The following NCAM1 variants were observed in gnomAD, a reference collection of about 807,000 sequenced individuals.
NCAM1 encodes the protein antigen recognized by monoclonal antibody 5.1H11.
NCAM1 carries 14 observed loss-of-function variants against 109.8 expected under a neutral mutation model. The observed-to-expected ratio is 0.13, with a 90% confidence interval of 0.08 to 0.20. NCAM1 has a LOEUF of 0.20. Among genes scored for constraint, NCAM1 ranks in the 10% least tolerant of loss-of-function variants. NCAM1 has a pLI of 1.00. For synonymous variants in NCAM1, 418 were observed against 442.9 expected (o/e 0.94, Z 0.70); for missense variants, 774 against 1,109.9 (o/e 0.70, Z 4.30).
chr11:113,260,826 A>C (rs558744101), intron 17 of NCAM1, among the ~76,000 whole-genome samples: 1 of 152,108 alleles, frequency 6.6e-6, no homozygotes, highest in Non-Finnish European at 1.5e-5. Context: ...AACCCTATCT[A>C]CCAAAGGCCT....
At chr11:113,245,744 CCTT>C (rs1385066083) in intron 14 of NCAM1, among the ~76,000 whole-genome samples, 1 of 152,226 alleles carries the variant, frequency 6.6e-6, no homozygotes, top group African/African-American at 2.4e-5. Flanking sequence ...CTCCCCTCCT[CCTT>C]ATGCCATAGG....
intron 1 of NCAM1, among the ~76,000 whole-genome samples, chr11:113,136,037 ACTG>A (rs1484944269): frequency 6.6e-6 from 1 of 152,138 alleles, no homozygotes; most frequent in African/African-American, 2.4e-5. Flanking sequence ...AAAAAGTAAT[ACTG>A]GGCGTGGTGA....
At chr11:113,169,487 A>G (rs1237588161) in intron 1 of NCAM1, among the ~76,000 whole-genome samples, 2 of 152,154 alleles carry the variant, frequency 1.3e-5, no homozygotes, top group Non-Finnish European at 2.9e-5. Flanking sequence ...GATAATACAT[A>G]TTATCACTTG....
At chr11:113,089,073 AG>A (rs1368418111) in intron 1 of NCAM1, among the ~76,000 whole-genome samples, 1 of 152,136 alleles carries the variant, frequency 6.6e-6, no homozygotes, top group African/African-American at 2.4e-5. Context: ...CCAACACTTT[AG>A]GAGGCCGAGG....
At chr11:113,045,312 T>C (rs58749576) in intron 1 of NCAM1, among the ~76,000 whole-genome samples, 19 of 151,558 alleles carry the variant, frequency 1.3e-4, no homozygotes, top group African/African-American at 4.6e-4. Flanking sequence ...GATGGCCGTT[T>C]TCAGGGGATG....
At chr11:113,242,889 C>T (rs377283933) in intron 14 of NCAM1, 64 of 1,613,472 alleles carry the variant, frequency 4.0e-5, no homozygotes, top group Admixed American at 2.0e-4. Context: ...CCTCTGATCG[C>T]TTGTTGTAGA....
At chr11:113,222,829 G>A (rs1418248033) in intron 9 of NCAM1, among the ~76,000 whole-genome samples, 1 of 152,184 alleles carries the variant, frequency 6.6e-6, no homozygotes, top group Non-Finnish European at 1.5e-5. Flanking sequence ...CTGTTTTTCA[G>A]AAGTGTCCTT....
At chr11:113,161,840 C>G (rs1942609837) in intron 1 of NCAM1, among the ~76,000 whole-genome samples, 1 of 152,138 alleles carries the variant, frequency 6.6e-6, no homozygotes, top group East Asian at 1.9e-4. Context: ...TGTGGTTGAG[C>G]TCCATAGAGT....
At chr11:113,124,517 A>G (rs1591347220) in intron 1 of NCAM1, among the ~76,000 whole-genome samples, 1 of 152,238 alleles carries the variant, frequency 6.6e-6, no homozygotes, top group Admixed American at 6.5e-5. Flanking sequence ...TCTGTACAGT[A>G]GAGTGGCTGC....
chr11:113,009,088 C>A (rs915691590), intron 1 of NCAM1, among the ~76,000 whole-genome samples: 1 of 152,094 alleles, frequency 6.6e-6, no homozygotes, highest in Non-Finnish European at 1.5e-5. Context: ...AGAAACTGAG[C>A]CTTGAACTCA....
rs1466096017 is a variant in NCAM1, at chr11:113,264,132, A to T, written c.2131+3809A>T. ...CTTGGGGATGGACCTTCTACTGAAT[A>T]AAAACTCCCTCCCTCCCCCCATTGT... On this transcript the variant is annotated intron_variant, in intron 17 of 19. Transcript: ENST00000316851. 10 of 985,132 alleles carry T rather than the reference A, an allele frequency of 1.0e-5. No homozygotes were observed. The African/African-American group carries it at 1.4e-4, about 14-fold the overall frequency. 61.0% of individuals were successfully genotyped at this position (985,132 alleles called of 1,614,324 possible).
At chr11:113,221,210 G>A (rs993070112) in intron 8 of NCAM1, 86 bp from the exon 9 acceptor site, 15 of 1,330,972 alleles carry the variant, frequency 1.1e-5, no homozygotes, top group Admixed American at 6.3e-5. Flanking sequence ...GCATGTGCAC[G>A]GAATGCAGTG....
chr11:113,039,321 C>T (rs544974416), intron 1 of NCAM1, among the ~76,000 whole-genome samples: 9 of 152,110 alleles, frequency 5.9e-5, no homozygotes, highest in Non-Finnish European at 1.3e-4. Context: ...ACTTACTGGA[C>T]GTGAGAGTTT....
At chr11:113,019,829 T>C (rs782659403) in intron 1 of NCAM1, among the ~76,000 whole-genome samples, 3 of 152,340 alleles carry the variant, frequency 2.0e-5, no homozygotes, top group Admixed American at 1.3e-4. Flanking sequence ...ACATGAGTTC[T>C]CTTGTCTGTG....
intron 1 of NCAM1, among the ~76,000 whole-genome samples, chr11:113,036,226 T>C (rs540379298): frequency 1.3e-5 from 2 of 152,176 alleles, no homozygotes; most frequent in Non-Finnish European, 2.9e-5. Flanking sequence ...TGACATGAGC[T>C]GCTTCCTGCT....
intron 1 of NCAM1, among the ~76,000 whole-genome samples, chr11:112,982,723 G>A (rs1951186636): frequency 6.6e-6 from 1 of 151,912 alleles, no homozygotes; most frequent in Non-Finnish European, 1.5e-5. Context: ...TGAGGCGCAT[G>A]GTAAGAGTAA....
At chr11:113,223,469 T>C (rs574183464) in intron 9 of NCAM1, among the ~76,000 whole-genome samples, 1 of 152,268 alleles carries the variant, frequency 6.6e-6, no homozygotes, top group South Asian at 2.1e-4. Flanking sequence ...AAAAAAAGTA[T>C]GGCTGTTCAC....
At chr11:113,239,450 C>T (rs367795588) in intron 14 of NCAM1, among the ~76,000 whole-genome samples, 1 of 145,902 alleles carries the variant, frequency 6.9e-6, no homozygotes, top group East Asian at 2.1e-4. Context: ...TACCATGAAG[C>T]AAAATAGATT....
intron 1 of NCAM1, among the ~76,000 whole-genome samples, chr11:113,011,819 C>T (rs1222692811): frequency 6.6e-6 from 1 of 152,084 alleles, no homozygotes; most frequent in African/African-American, 2.4e-5. Context: ...CAAGGAAAGG[C>T]TGAAGAATTG....
Sources: allele counts gnomAD v4.1 joint callset (sites outside exome capture counted in the v4.1 genomes callset), GRCh38; gene constraint gnomAD v4.1.1; transcripts MANE v1.5; gene names NCBI Gene and HGNC (gene_info 2026-07-23, HGNC 2026-07-21).